Variants in PCDH15 observed in about 807,000 individuals in gnomAD.
PCDH15 encodes the protein protocadherin-15.
Under a neutral mutation model 178.5 loss-of-function variants are expected in PCDH15, and 129 were observed. The observed-to-expected ratio is 0.72, with a 90% CI of 0.63 to 0.84. PCDH15 has a LOEUF of 0.84. Ranked by LOEUF, PCDH15 falls within the 40% of genes least tolerant of loss-of-function variation. The pLI is 0.00. For missense variants in PCDH15, 2,230 were observed against 2,099.9 expected (o/e 1.06, Z -1.21); for synonymous variants, 800 against 732.0 (o/e 1.09, Z -1.50).
rs1281662712 is a variant in PCDH15 at position 53,806,998 on chromosome 10, T to C, written c.4804A>G (p.Asn1602Asp). The change falls in exon 38 of 38, where the codon AAT (asparagine) becomes GAT (aspartate). Residue 1602 changes from asparagine to aspartate, a missense_variant. Asn to Asp is a conservative substitution (Grantham distance 23, BLOSUM62 1). Coordinates refer to ENST00000644397, the MANE Select transcript of PCDH15 (RefSeq NM_001384140.1). ...HPSIHSNING[N>D]IYIAQNGSVV... ...GAACCATTCTGTGCAATATATATAT[T>C]GCCGTTGATATTACTGTGGATACTA... 2 of 1,613,730 alleles carry C rather than the reference T, an allele frequency of 1.2e-6. No individual in the cohort carries two copies. The highest frequency in any genetic ancestry group is 4.5e-5 in the East Asian group (2 of 44,860).
At chr10:53,836,245 G>C (rs2077300094) in intron 29 of PCDH15, among the ~76,000 whole-genome samples, 1 of 152,132 alleles carries the variant, frequency 6.6e-6, no homozygotes, top group South Asian at 2.1e-4. Flanking sequence ...GCAGAGGATG[G>C]CTGCCATGAT....
chr10:54,723,155 A>G (rs746616126), intron 1 of PCDH15, among the ~76,000 whole-genome samples: 1 of 151,724 alleles, frequency 6.6e-6, no homozygotes, highest in Non-Finnish European at 1.5e-5. Context: ...ATATAATACT[A>G]TAAGTCTATA....
chr10:53,832,800 T>C (rs928641448), intron 29 of PCDH15, among the ~76,000 whole-genome samples: 1 of 152,062 alleles, frequency 6.6e-6, no homozygotes, highest in Non-Finnish European at 1.5e-5. Context: ...AGAGTGACCA[T>C]GCTGATTTTA....
intron 1 of PCDH15, among the ~76,000 whole-genome samples, chr10:55,284,633 T>C (rs1462638266): frequency 6.6e-6 from 1 of 152,090 alleles, no homozygotes; most frequent in African/African-American, 2.4e-5. Context: ...AATCTGTATT[T>C]ACCATAGTAA....
At chr10:54,220,867 A>G (rs1389068636) in intron 9 of PCDH15, among the ~76,000 whole-genome samples, 2 of 148,528 alleles carry the variant, frequency 1.3e-5, no homozygotes, top group Non-Finnish European at 2.9e-5. Context: ...TAAATAAATA[A>G]ATAAGTAAAA....
chr10:54,784,689 T>C (rs1368916920), intron 1 of PCDH15, among the ~76,000 whole-genome samples: 1 of 149,360 alleles, frequency 6.7e-6, no homozygotes, highest in Non-Finnish European at 1.5e-5. Flanking sequence ...TGGAGAAAAA[T>C]GTAATCCAAG....
chr10:53,812,298 C>G (rs555711911), intron 35 of PCDH15, among the ~76,000 whole-genome samples: 3 of 152,268 alleles, frequency 2.0e-5, no homozygotes, highest in Admixed American at 2.0e-4. Context: ...GGCTCTGCCT[C>G]CAGGGTTCAT....
At chr10:54,943,804 A>G (rs1044536954) in intron 2 of PCDH15, among the ~76,000 whole-genome samples, 1 of 151,938 alleles carries the variant, frequency 6.6e-6, no homozygotes, top group East Asian at 1.9e-4. Flanking sequence ...CACGATCTTA[A>G]GAACCAGGCT....
At chr10:54,185,817 C>G (rs957943109) in intron 11 of PCDH15, among the ~76,000 whole-genome samples, 1 of 152,016 alleles carries the variant, frequency 6.6e-6, no homozygotes. Flanking sequence ...TATTTTAATG[C>G]TGTAAAATTT....
At chr10:53,959,546 CAT>C (rs750222696) in intron 23 of PCDH15, among the ~76,000 whole-genome samples, 184 bp downstream of exon 23, 4 of 152,032 alleles carry the variant, frequency 2.6e-5, no homozygotes, top group Non-Finnish European at 4.4e-5. Flanking sequence ...ATTACTAAAA[CAT>C]ATTTTATACT....
intron 32 of PCDH15, chr10:53,821,500 A>G (rs1444751563): frequency 6.8e-6 from 7 of 1,024,120 alleles, no homozygotes; most frequent in Non-Finnish European, 4.7e-6. Flanking sequence ...TACGATCAAA[A>G]ACTAAATGTA....
intron 28 of PCDH15, among the ~76,000 whole-genome samples, chr10:53,855,713 G>A (rs541783594): frequency 1.3e-3 from 201 of 151,516 alleles, no homozygotes; most frequent in Non-Finnish European, 2.4e-3. Context: ...TGACAGTGAC[G>A]ATAATTGACC....
At chr10:54,292,800 G>A (rs1287023080) in intron 8 of PCDH15, among the ~76,000 whole-genome samples, 1 of 152,086 alleles carries the variant, frequency 6.6e-6, no homozygotes, top group African/African-American at 2.4e-5. Context: ...ACAAACCACT[G>A]CTCAATGATA....
chr10:54,346,310 A>T, intron 6 of PCDH15, 55 bp downstream of exon 6: 1 of 1,551,514 alleles, frequency 6.4e-7, no homozygotes, highest in African/African-American at 1.4e-5. Context: ...AGCTGAAAAA[A>T]TCATTAATTT....
intron 1 of PCDH15, among the ~76,000 whole-genome samples, chr10:54,769,822 T>G (rs982421628): frequency 2.0e-5 from 3 of 152,106 alleles, no homozygotes; most frequent in Non-Finnish European, 4.4e-5. Flanking sequence ...AGAGCACTGA[T>G]AGACAATCCT....
intron 2 of PCDH15, among the ~76,000 whole-genome samples, chr10:54,640,339 C>T (rs1332112520): frequency 6.6e-6 from 1 of 151,062 alleles, no homozygotes; most frequent in Admixed American, 6.6e-5. Flanking sequence ...GGAATACTTA[C>T]TATTATTGCA....
intron 1 of PCDH15, among the ~76,000 whole-genome samples, chr10:55,241,529 C>T (rs763113527): frequency 2.6e-4 from 39 of 152,134 alleles, no homozygotes; most frequent in Non-Finnish European, 4.6e-4. Flanking sequence ...AAGTGATCAT[C>T]CTACCTTAGT....
chr10:54,237,388 T>G (rs919355039), intron 8 of PCDH15, among the ~76,000 whole-genome samples: 1 of 152,096 alleles, frequency 6.6e-6, no homozygotes, highest in Non-Finnish European at 1.5e-5. Context: ...GTAAATAATT[T>G]CATAAAAATA....
At position 54,393,497 on chromosome 10, in the gene PCDH15, G is replaced by A. The variant is rs527597045; in HGVS notation, c.158-14555C>T. Among the ~76,000 whole-genome samples, 15 of 152,250 alleles carry A rather than the reference G, an allele frequency of 9.9e-5. No individual in the cohort carries two copies. In the South Asian group the frequency reaches 1.0e-3, roughly 11 times the overall value. ...GAACTAAATGGAATATAGAACACAA[G>A]TATTGGAATGGGAGGCAAACGTTAA... On this transcript the variant is annotated intron_variant, in intron 3 of 37. Coordinates refer to ENST00000644397, the MANE Select transcript of PCDH15 (RefSeq NM_001384140.1).
Sources: allele counts gnomAD v4.1 joint callset (sites outside exome capture counted in the v4.1 genomes callset), GRCh38; gene constraint gnomAD v4.1.1; transcripts MANE v1.5; gene names NCBI Gene and HGNC (gene_info 2026-07-23, HGNC 2026-07-21).